The following PRDM2 variants were observed in gnomAD, a reference collection of about 807,000 sequenced individuals.
PRDM2 encodes PR domain zinc finger protein 2.
PRDM2 carries 30 observed loss-of-function variants against 130.0 expected under a neutral mutation model. The ratio of observed to expected loss-of-function variants is 0.23; its 90% CI spans 0.17 to 0.31. The LOEUF is 0.31. Ranked by LOEUF, PRDM2 falls within the 10% of genes least tolerant of loss-of-function variation. PRDM2 has a pLI of 1.00. For synonymous variants in PRDM2, 871 were observed against 782.4 expected (o/e 1.11, Z -1.89); for missense variants, 2,011 against 2,108.4 (o/e 0.95, Z 0.90).
At chr1:13,712,752 T>G (rs1209274888) in intron 1 of PRDM2, among the ~76,000 whole-genome samples, 1 of 152,138 alleles carries the variant, frequency 6.6e-6, no homozygotes, top group African/African-American at 2.4e-5. Flanking sequence ...AGAGCGAGAC[T>G]CCGTCTCAAA....
intron 4 of PRDM2, among the ~76,000 whole-genome samples, chr1:13,740,032 T>C (rs1334285867): frequency 6.6e-6 from 1 of 152,240 alleles, no homozygotes; most frequent in Non-Finnish European, 1.5e-5. Context: ...GTGTCATCTT[T>C]TTCTACAAAA....
chr1:13,753,990 A>G (rs753249791), intron 6 of PRDM2, among the ~76,000 whole-genome samples: 1 of 152,122 alleles, frequency 6.6e-6, no homozygotes, highest in African/African-American at 2.4e-5. Flanking sequence ...AGGCCAACAG[A>G]TGAAGTAGGT....
At chr1:13,809,747 C>G (rs879411288) in intron 8 of PRDM2, among the ~76,000 whole-genome samples, 1 of 152,144 alleles carries the variant, frequency 6.6e-6, no homozygotes, top group Non-Finnish European at 1.5e-5. Flanking sequence ...GTCCAGACCC[C>G]GTGTTCAGAT....
rs575088502 is a variant in PRDM2, at chr1:13,790,556, G to GGT, written c.5036+7726_5036+7727dup. Among the ~76,000 whole-genome samples the GGT allele has an allele frequency of 2.0e-5, 3 of 152,250 alleles. No homozygotes were observed. In the South Asian group the frequency reaches 6.2e-4, roughly 32 times the overall value. ...TCTGGTGGCTTGACCTTTCCTGAAGGGTTTGCCTCACAAGCAGAACCTTGA... is the reference window on the plus strand; with the variant it reads ...TCTGGTGGCTTGACCTTTCCTGAAGGGTGTTTGCCTCACAAGCAGAACCTTGA... On this transcript the variant is annotated intron_variant, in intron 8 of 9. Transcript: ENST00000311066.
At chr1:13,736,925 A>G (rs1643290084) in intron 4 of PRDM2, among the ~76,000 whole-genome samples, 2 of 152,250 alleles carry the variant, frequency 1.3e-5, no homozygotes, top group South Asian at 4.1e-4. Flanking sequence ...GTTAAAATTG[A>G]TAGAGAAATT....
At chr1:13,724,284 A>G (rs1317274446) in intron 2 of PRDM2, among the ~76,000 whole-genome samples, 1 of 152,162 alleles carries the variant, frequency 6.6e-6, no homozygotes, top group African/African-American at 2.4e-5. Context: ...CTCTGAAGCC[A>G]TTGCAACTTA....
intron 4 of PRDM2, among the ~76,000 whole-genome samples, chr1:13,733,683 T>C (rs1255592557): frequency 1.3e-5 from 2 of 152,144 alleles, no homozygotes; most frequent in African/African-American, 4.8e-5. Flanking sequence ...AGATAAAATT[T>C]GTCGTTGTTG....
intron 8 of PRDM2, among the ~76,000 whole-genome samples, chr1:13,804,728 G>A (rs1052613651): frequency 1.3e-5 from 2 of 152,184 alleles, no homozygotes; most frequent in African/African-American, 2.4e-5. Context: ...AACTTGTTGG[G>A]ATAGAAAGCA....
chr1:13,774,188 T>C (rs1644420689), intron 7 of PRDM2, among the ~76,000 whole-genome samples: 1 of 152,216 alleles, frequency 6.6e-6, no homozygotes, highest in Non-Finnish European at 1.5e-5. Flanking sequence ...GAAAGACAGC[T>C]TGCCCTCTGC....
At chr1:13,809,047 T>A (rs1001451448) in intron 8 of PRDM2, among the ~76,000 whole-genome samples, 18 of 152,158 alleles carry the variant, frequency 1.2e-4, no homozygotes, top group African/African-American at 3.9e-4. Context: ...TCTGGGTGAA[T>A]CTAGTGAGGA....
At chr1:13,793,925 C>T (rs932293885) in intron 8 of PRDM2, among the ~76,000 whole-genome samples, 1 of 152,150 alleles carries the variant, frequency 6.6e-6, no homozygotes. Context: ...AAGCTTGGTA[C>T]CTGGGGAGCT....
intron 9 of PRDM2, among the ~76,000 whole-genome samples, chr1:13,821,908 T>G (rs1645358765): frequency 6.6e-6 from 1 of 152,230 alleles, no homozygotes; most frequent in Admixed American, 6.5e-5. Context: ...TGAGTGAGCC[T>G]GACCTGGGTT....
chr1:13,708,335 G>T (rs190953849), intron 1 of PRDM2, among the ~76,000 whole-genome samples: 3 of 152,250 alleles, frequency 2.0e-5, no homozygotes, highest in East Asian at 1.9e-4. Context: ...AATTGCTCTA[G>T]GCCCATTGGA....
At chr1:13,802,302 C>CA (rs1425080697) in intron 8 of PRDM2, among the ~76,000 whole-genome samples, 6 of 152,194 alleles carry the variant, frequency 3.9e-5, no homozygotes, top group Admixed American at 2.0e-4. Flanking sequence ...CAGGCACACC[C>CA]AGGCCTCCCA....
At chr1:13,767,763 C>T (rs1300038742) in intron 6 of PRDM2, among the ~76,000 whole-genome samples, 4 of 152,008 alleles carry the variant, frequency 2.6e-5, no homozygotes, top group Admixed American at 2.6e-4. Context: ...ATTGCTGAGC[C>T]CAGGAGTTCG....
chr1:13,765,165 A>G (rs2100600456), intron 6 of PRDM2, among the ~76,000 whole-genome samples: 1 of 152,330 alleles, frequency 6.6e-6, no homozygotes, highest in Middle Eastern at 3.4e-3. Flanking sequence ...TTTCTGGTTG[A>G]GGCACACTGG....
intron 2 of PRDM2, among the ~76,000 whole-genome samples, chr1:13,724,266 T>C (rs762797026): frequency 2.6e-5 from 4 of 152,242 alleles, no homozygotes; most frequent in Non-Finnish European, 2.9e-5. Flanking sequence ...TTGTTGTGTT[T>C]ATTAATACTC....
At chr1:13,813,847 A>G (rs753088494) in intron 8 of PRDM2, among the ~76,000 whole-genome samples, 9 of 152,218 alleles carry the variant, frequency 5.9e-5, no homozygotes, top group Non-Finnish European at 1.0e-4. Context: ...GCAGGAGCCC[A>G]GGCGGAAGAG....
chr1:13,779,738 C>G lies in PRDM2; in HGVS notation c.1943C>G (p.Pro648Arg). Residue 648 changes from proline to arginine, a missense_variant, in exon 8 of 10, where the codon CCC becomes CGC. Physicochemically the swap from Pro to Arg is moderately radical, Grantham distance 103 (BLOSUM62 -2). Coordinates refer to ENST00000311066, the MANE Select transcript of PRDM2 (RefSeq NM_001393986.1). The surrounding 1 kb of genome is among the most constrained non-coding windows in gnomAD (Gnocchi z 4.9). Reference protein sequence around the residue: ...KRRTASPPALPKIKAETDSDP... With the variant: ...KRRTASPPALRKIKAETDSDP... Reference sequence around the variant, plus strand: ...AGAACTGCGAGCCCACCTGCACTGCCCAAAATTAAGGCCGAAACAGACTCT... The same window carrying G: ...AGAACTGCGAGCCCACCTGCACTGCGCAAAATTAAGGCCGAAACAGACTCT... 1 of 1,614,080 alleles carries G rather than the reference C, an allele frequency of 6.2e-7. No individual in the cohort carries two copies. The highest frequency in any genetic ancestry group is 8.5e-7 in the Non-Finnish European group (1 of 1,180,006).
Sources: allele counts gnomAD v4.1 joint callset (sites outside exome capture counted in the v4.1 genomes callset), GRCh38; gene constraint gnomAD v4.1.1; non-coding constraint Gnocchi (gnomAD v3.1); transcripts MANE v1.5; gene names NCBI Gene and HGNC (gene_info 2026-07-23, HGNC 2026-07-21).